The following MLPH variants were observed in gnomAD, a reference collection of about 807,000 sequenced individuals.
MLPH encodes exophilin-3.
A neutral mutation model predicts 72.1 loss-of-function variants in MLPH; 51 were observed. The observed-to-expected ratio is 0.71, with a 90% CI of 0.56 to 0.89. The LOEUF is 0.89. Ranked by LOEUF, MLPH falls within the 40% of genes least tolerant of loss-of-function variation. The probability of loss-of-function intolerance (pLI) is 0.00; values close to 1 mark genes in which losing one functional copy is unlikely to be tolerated. For missense variants in MLPH, 743 were observed against 759.9 expected (o/e 0.98, Z 0.26); for synonymous variants, 301 against 310.1 (o/e 0.97, Z 0.31).
In MLPH at chr2:237,551,757, C is replaced by T. The variant is rs537899538; in HGVS notation, c.1676-580C>T. On this transcript the variant is annotated intron_variant, in intron 14 of 15. Coordinates refer to ENST00000264605, the MANE Select transcript of MLPH (RefSeq NM_024101.7). The stretch of plus-strand genomic sequence containing the variant: ...TTTCAGGAGGCCAAGGCGGGCGGAT[C>T]ACTTGAAGTCAGGAGTTCGAGACCA... 2.0e-5 allele frequency among the ~76,000 whole-genome samples: 3 copies of T among 152,202 alleles called. No homozygotes were observed. In the East Asian group the frequency reaches 5.8e-4, roughly 29 times the overall value.
intron 6 of MLPH, among the ~76,000 whole-genome samples, chr2:237,521,734 A>G (rs1357666300): frequency 1.6e-4 from 24 of 152,128 alleles, no homozygotes; most frequent in African/African-American, 4.8e-4. Flanking sequence ...AGCTACAACT[A>G]TAGTGCTGGA....
At position 237,553,583 on chromosome 2, in the gene MLPH, C is replaced by T. The variant is rs2081079468; in HGVS notation, c.1794C>T (p.His598=). 1 of 1,614,084 alleles carries T rather than the reference C, an allele frequency of 6.2e-7. No homozygotes were observed. The highest frequency in any genetic ancestry group is 1.3e-5 in the African/African-American group (1 of 74,948). ...SHTFAKPVVA[H]QS is the part of the protein sequence containing the mutation. ...CTTTACAGAAACCTGTGGTGGCCCA[C>T]CAGTCCTAACGGGACAGGACAGAGA... Residue 598 remains histidine (H), a synonymous_variant, in exon 16 of 16, where the codon CAC becomes CAT. Coordinates refer to ENST00000264605, the MANE Select transcript of MLPH (RefSeq NM_024101.7).
intron 15 of MLPH, among the ~76,000 whole-genome samples, 193 bp downstream of exon 15, chr2:237,552,630 GAAT>G (rs2081061888): frequency 2.0e-5 from 3 of 152,168 alleles, no homozygotes; most frequent in Non-Finnish European, 2.9e-5. Flanking sequence ...TTTGAAATTA[GAAT>G]AATATCTTGT....
chr2:237,504,700 A>C (rs1051153462), intron 2 of MLPH, among the ~76,000 whole-genome samples: 4 of 152,184 alleles, frequency 2.6e-5, no homozygotes, highest in African/African-American at 9.7e-5. Flanking sequence ...GCCCTATAAC[A>C]GAGTGGTCTT....
chr2:237,549,846 T>C (rs1254721746), intron 14 of MLPH, among the ~76,000 whole-genome samples: 1 of 152,176 alleles, frequency 6.6e-6, no homozygotes, highest in East Asian at 1.9e-4. Flanking sequence ...GATCTCCTGT[T>C]GTCCCTGTCT....
At chr2:237,492,684 C>T (rs974672324) in intron 1 of MLPH, among the ~76,000 whole-genome samples, 1 of 152,120 alleles carries the variant, frequency 6.6e-6, no homozygotes, top group Non-Finnish European at 1.5e-5. Flanking sequence ...CTTTTGCCTC[C>T]CCAGGGAAAT....
At chr2:237,549,376 T>G (rs1016806782) in intron 14 of MLPH, 98 bp downstream of exon 14, 1 of 1,151,898 alleles carries the variant, frequency 8.7e-7, no homozygotes, top group Non-Finnish European at 1.3e-6. Context: ...TCATTATCTG[T>G]GGGACATATC....
intron 1 of MLPH, 117 bp from the exon 2 acceptor site, chr2:237,493,286 A>G: frequency 1.3e-6 from 1 of 742,044 alleles, no homozygotes; most frequent in South Asian, 1.4e-5. Context: ...CATTTAACCC[A>G]AGTACAGACA....
intron 2 of MLPH, among the ~76,000 whole-genome samples, chr2:237,493,954 G>A (rs1437839107): frequency 6.6e-6 from 1 of 152,084 alleles, no homozygotes; most frequent in African/African-American, 2.4e-5. Context: ...GTAGCATCCC[G>A]TCCTCACCAT....
At chr2:237,500,764 C>T (rs1268426223) in intron 2 of MLPH, among the ~76,000 whole-genome samples, 1 of 152,076 alleles carries the variant, frequency 6.6e-6, no homozygotes, top group Non-Finnish European at 1.5e-5. Flanking sequence ...TGTCTCTGCT[C>T]CTTCCCTCTC....
intron 2 of MLPH, among the ~76,000 whole-genome samples, chr2:237,501,667 A>C (rs1423720210): frequency 0.086 from 11,355 of 131,712 alleles, 1,219 homozygotes; most frequent in African/African-American, 0.32. Flanking sequence ...TCTCTACTAA[A>C]AAAAAAAAAA....
intron 2 of MLPH, among the ~76,000 whole-genome samples, chr2:237,502,248 T>A (rs754617336): frequency 2.1e-4 from 32 of 152,236 alleles, no homozygotes; most frequent in Non-Finnish European, 1.0e-4. Flanking sequence ...TATTTTTTAA[T>A]GTTCTACAAA....
At chr2:237,542,687 ACAGTGCTGAGTGGGGGGG>A (rs1193002375) in intron 12 of MLPH, 28 bp downstream of exon 12, 8 of 1,135,138 alleles carry the variant, frequency 7.0e-6, no homozygotes, top group South Asian at 2.6e-5. Context: ...GTGAGTGGAG[ACAGTGCTGAGTGGGGGGG>A]CAGTGGTGAG....
rs1353818050 is a variant in MLPH, at chr2:237,527,455, G to A, written c.959G>A (p.Arg320Gln). ...DVDTSDEESI[R>Q]AHVMASHHSK... Reference sequence around the variant, plus strand: ...GACACCTCTGATGAGGAAAGCATCCGGGCTCACGTGATGGCCTCCCACCAT... The same window carrying A: ...GACACCTCTGATGAGGAAAGCATCCAGGCTCACGTGATGGCCTCCCACCAT... Residue 320 changes from arginine to glutamine, a missense_variant, in exon 8 of 16, where the codon CGG becomes CAG. Transcript: ENST00000264605. The A allele has an allele frequency of 5.6e-6, 9 of 1,614,194 alleles. No homozygotes were observed. The highest frequency in any genetic ancestry group is 1.6e-4 in the Middle Eastern group (1 of 6,062).
At chr2:237,519,554 G>A (rs954167004) in intron 5 of MLPH, among the ~76,000 whole-genome samples, 4 of 152,186 alleles carry the variant, frequency 2.6e-5, no homozygotes, top group Non-Finnish European at 5.9e-5. Context: ...GCTATCCGAA[G>A]CCCCAGGGAC....
chr2:237,546,372 T>C (rs2080918288), intron 12 of MLPH: 1 of 564,336 alleles, frequency 1.8e-6, no homozygotes, highest in Admixed American at 3.0e-5. Context: ...ATTTGTTTTC[T>C]TTTCACAATC....
At chr2:237,494,805 T>C (rs2079502316) in intron 2 of MLPH, among the ~76,000 whole-genome samples, 1 of 152,166 alleles carries the variant, frequency 6.6e-6, no homozygotes, top group South Asian at 2.1e-4. Flanking sequence ...AGGAGATGCG[T>C]TACGAGAGCT....
At chr2:237,526,080 C>G (rs185322778) in intron 7 of MLPH, among the ~76,000 whole-genome samples, 2 of 152,302 alleles carry the variant, frequency 1.3e-5, no homozygotes, top group African/African-American at 4.8e-5. Flanking sequence ...GTGGGACATG[C>G]AGGCCTCCCT....
At chr2:237,546,371 C>A (rs1164304395) in intron 12 of MLPH, 4 of 562,102 alleles carry the variant, frequency 7.1e-6, no homozygotes, top group African/African-American at 5.7e-5. Flanking sequence ...GATTTGTTTT[C>A]TTTTCACAAT....
Sources: allele counts gnomAD v4.1 joint callset (sites outside exome capture counted in the v4.1 genomes callset), GRCh38; gene constraint gnomAD v4.1.1; transcripts MANE v1.5; gene names NCBI Gene and HGNC (gene_info 2026-07-23, HGNC 2026-07-21).